The following THUMPD2 variants were observed in gnomAD, a reference collection of about 807,000 sequenced individuals.
THUMPD2 encodes U6 snRNA (guanine-N(2))-methyltransferase THUMPD2.
THUMPD2 carries 56 observed loss-of-function variants against 49.4 expected under a neutral mutation model. The ratio of observed to expected loss-of-function variants is 1.13; its 90% CI spans 0.91 to 1.41. The LOEUF is 1.41. THUMPD2 is among the 40% of genes most tolerant of loss of function. The pLI, the probability that THUMPD2 is intolerant of heterozygous loss-of-function variation, is 0.00. For missense variants in THUMPD2, 709 were observed against 594.5 expected, an observed-to-expected ratio of 1.19 and a Z score of -2.00; for synonymous variants, 237 against 205.2, an observed-to-expected ratio of 1.15 and a Z score of -1.32.
chr2:39,754,419 G>GT (rs35010032), intron 8 of THUMPD2, among the ~76,000 whole-genome samples: 11,187 of 152,116 alleles, frequency 0.074, 527 homozygotes, highest in Middle Eastern at 0.13. Context: ...AGTTATCCTA[G>GT]TATTTTCTTC....
intron 8 of THUMPD2, among the ~76,000 whole-genome samples, chr2:39,749,396 G>A (rs985640043): frequency 1.6e-4 from 24 of 152,300 alleles, no homozygotes; most frequent in African/African-American, 5.5e-4. Context: ...AATGAAGCCA[G>A]CACATTAACA....
chr2:39,760,865 TA>T (rs1479414320), intron 6 of THUMPD2, among the ~76,000 whole-genome samples: 1 of 152,012 alleles, frequency 6.6e-6, no homozygotes, highest in Admixed American at 6.6e-5. Context: ...TGCAAAAACT[TA>T]AAAAAATACA....
At chr2:39,778,223 A>T (rs1001519519) in intron 1 of THUMPD2, among the ~76,000 whole-genome samples, 6 of 152,240 alleles carry the variant, frequency 3.9e-5, no homozygotes, top group African/African-American at 1.4e-4. Context: ...ATGTTCAATA[A>T]ATGTCAGTAG....
chr2:39,744,811 C>T (rs867598988), intron 8 of THUMPD2, among the ~76,000 whole-genome samples: 1 of 152,100 alleles, frequency 6.6e-6, no homozygotes, highest in Non-Finnish European at 1.5e-5. Context: ...CTAGAAAAAT[C>T]TTCCACAAAA....
At chr2:39,759,758 A>G (rs957164588) in intron 6 of THUMPD2, among the ~76,000 whole-genome samples, 1 of 152,230 alleles carries the variant, frequency 6.6e-6, no homozygotes, top group African/African-American at 2.4e-5. Flanking sequence ...AACAGCATCT[A>G]CAGACCTCTG....
Position 39,755,410 on chromosome 2 carries a change from C to T in THUMPD2, c.964-1G>A, listed in dbSNP as rs1380653944. 4 of 1,529,144 alleles carry T rather than the reference C, an allele frequency of 2.6e-6. No homozygotes were observed. Among genetic ancestry groups the T allele is most frequent in the Non-Finnish European group, 3.5e-6 (4 of 1,131,556 alleles). 94.7% of individuals were successfully genotyped at this position (1,529,144 alleles called of 1,614,324 possible). On this transcript the variant is annotated splice_acceptor_variant, in intron 7 of 9. Transcript: ENST00000505747. LOFTEE classifies it high-confidence loss of function. ...CATCAGCACCTACATAATACACATC[C>T]TATGGGGAAATAAATATTTTAAGCA...
intron 9 of THUMPD2, among the ~76,000 whole-genome samples, chr2:39,737,326 T>C (rs934986127): frequency 2.0e-5 from 3 of 152,084 alleles, no homozygotes; most frequent in African/African-American, 7.2e-5. Context: ...TAATAAATGA[T>C]TGTATAAAGG....
chr2:39,778,349 C>T (rs368375656), intron 1 of THUMPD2, among the ~76,000 whole-genome samples: 3 of 152,358 alleles, frequency 2.0e-5, no homozygotes, highest in South Asian at 4.1e-4. Flanking sequence ...TTCACGACTC[C>T]AACCTTTCAC....
chr2:39,739,891 C>T (rs72936089), intron 9 of THUMPD2, among the ~76,000 whole-genome samples: 3,518 of 152,230 alleles, frequency 0.023, 127 homozygotes, highest in African/African-American at 0.079. Flanking sequence ...AACAGTTTAG[C>T]AATCATGTAT....
chr2:39,738,798 G>A (rs1673504559), intron 9 of THUMPD2, among the ~76,000 whole-genome samples: 1 of 152,014 alleles, frequency 6.6e-6, no homozygotes, highest in African/African-American at 2.4e-5. Flanking sequence ...CTGAAGGCAG[G>A]AGCAGATGCT....
intron 8 of THUMPD2, among the ~76,000 whole-genome samples, chr2:39,751,168 C>T (rs988309355): frequency 6.6e-6 from 1 of 152,214 alleles, no homozygotes; most frequent in African/African-American, 2.4e-5. Context: ...CAGAATACGG[C>T]GTGGGCCATA....
intron 5 of THUMPD2, among the ~76,000 whole-genome samples, chr2:39,762,962 T>C (rs1452478620): frequency 1.3e-5 from 2 of 152,014 alleles, no homozygotes; most frequent in African/African-American, 2.4e-5. Flanking sequence ...AAAGTGAATG[T>C]TCACATTTTG....
intron 5 of THUMPD2, among the ~76,000 whole-genome samples, chr2:39,764,342 A>C (rs1194707867): frequency 6.6e-6 from 1 of 152,220 alleles, no homozygotes; most frequent in African/African-American, 2.4e-5. Context: ...ATTTTATAGC[A>C]GAGAAATATG....
intron 6 of THUMPD2, 36 bp from the exon 7 acceptor site, chr2:39,755,996 C>A: frequency 6.4e-7 from 1 of 1,567,288 alleles, no homozygotes; most frequent in Non-Finnish European, 8.8e-7. Flanking sequence ...ATTATTAAGA[C>A]TACCATAGTA....
intron 8 of THUMPD2, among the ~76,000 whole-genome samples, chr2:39,752,979 C>A (rs1180934637): frequency 6.6e-6 from 1 of 152,120 alleles, no homozygotes; most frequent in Non-Finnish European, 1.5e-5. Context: ...TTTCAGGGGC[C>A]TGGATATAGC....
intron 1 of THUMPD2, among the ~76,000 whole-genome samples, chr2:39,778,150 T>C (rs12470473): frequency 0.41 from 62,028 of 152,158 alleles, 13,960 homozygotes; most frequent in Non-Finnish European, 0.52. Flanking sequence ...ATAGGGCTGT[T>C]GTGAAAAGTA....
chr2:39,760,733 C>T (rs1182055569), intron 6 of THUMPD2, among the ~76,000 whole-genome samples: 3 of 151,880 alleles, frequency 2.0e-5, no homozygotes, highest in African/African-American at 7.3e-5. Context: ...TAAATTTAAA[C>T]TTAACCAAGA....
At chr2:39,775,550 A>C (rs1678960313) in intron 1 of THUMPD2, among the ~76,000 whole-genome samples, 1 of 152,030 alleles carries the variant, frequency 6.6e-6, no homozygotes. Flanking sequence ...CGGGTGGATC[A>C]CTTGAAATCA....
chr2:39,744,285 T>A, intron 9 of THUMPD2, 85 bp downstream of exon 9: 1 of 683,584 alleles, frequency 1.5e-6, no homozygotes. Flanking sequence ...TAAAAAGCAA[T>A]CAGACCTTAA....
Sources: gnomAD v4.1 joint callset for allele counts (sites outside exome capture counted in the v4.1 genomes callset) on GRCh38, gnomAD v4.1.1 for gene constraint, MANE v1.5 for transcripts, NCBI Gene and HGNC (gene_info 2026-07-23, HGNC 2026-07-21) for gene names.